The following EGLN1 variants were observed in gnomAD, a reference collection of about 807,000 sequenced individuals.
EGLN1 encodes the protein egl nine homolog 1.
Under a neutral mutation model 38.3 loss-of-function variants are expected in EGLN1, and 17 were observed. The observed-to-expected ratio is 0.44, with a 90% CI of 0.30 to 0.67. EGLN1 has a LOEUF of 0.67. Among genes scored for constraint, EGLN1 ranks in the 30% least tolerant of loss-of-function variants. The pLI, the probability that EGLN1 is intolerant of heterozygous loss-of-function variation, is 0.08. For synonymous variants in EGLN1, 283 were observed against 257.5 expected (o/e 1.10, Z -0.95); for missense variants, 477 against 603.3 (o/e 0.79, Z 2.19).
intron 1 of EGLN1, among the ~76,000 whole-genome samples, chr1:231,390,506 A>T (rs1688339080): frequency 6.6e-6 from 1 of 152,200 alleles, no homozygotes; most frequent in African/African-American, 2.4e-5. Context: ...TAGAATGGCT[A>T]ACTTAACTGA....
chr1:231,363,948 A>G lies in EGLN1; in HGVS notation c.*2463T>C, dbSNP rs549210917. The G allele has an allele frequency of 1.4e-4, 21 of 152,350 alleles. No individual in the cohort carries two copies. Among genetic ancestry groups the G allele is most frequent in the African/African-American group, 5.1e-4 (21 of 41,584 alleles). The allele number at this position is 152,350 out of a possible 1,614,324, so 9.4% of individuals were successfully genotyped here. On this transcript the variant is annotated 3_prime_UTR_variant, in exon 5 of 5. Transcript: ENST00000366641. ...GGTTAATGTGTTGAATAAAAACAGC[A>G]TTATGAAGCTTTATCTTTAACCAGG...
At chr1:231,401,998 T>C (rs116483227) in intron 1 of EGLN1, among the ~76,000 whole-genome samples, 4,882 of 152,280 alleles carry the variant, frequency 0.032, 262 homozygotes, top group African/African-American at 0.11. Flanking sequence ...TATTTAATTT[T>C]AGCCATTCTA....
At chr1:231,416,552 A>G (rs1689088466) in intron 1 of EGLN1, among the ~76,000 whole-genome samples, 2 of 151,124 alleles carry the variant, frequency 1.3e-5, no homozygotes, top group South Asian at 4.2e-4. Context: ...ATTTTTTTAG[A>G]GACAAAGTCT....
intron 1 of EGLN1, among the ~76,000 whole-genome samples, chr1:231,388,284 G>C (rs1393645804): frequency 7.3e-6 from 1 of 137,672 alleles, no homozygotes; most frequent in Non-Finnish European, 1.6e-5. Context: ...AAAATTAAGA[G>C]GGAAGAACCA....
intron 4 of EGLN1, among the ~76,000 whole-genome samples, chr1:231,367,031 A>C (rs549559305): frequency 6.6e-6 from 1 of 152,336 alleles, no homozygotes; most frequent in East Asian, 1.9e-4. Context: ...TGGCATAATT[A>C]AAGGATCTTC....
chr1:231,384,793 T>C (rs143561975), intron 1 of EGLN1, among the ~76,000 whole-genome samples: 2 of 152,336 alleles, frequency 1.3e-5, no homozygotes, highest in South Asian at 2.1e-4. Flanking sequence ...TAAAGCTGTA[T>C]TGGAATGCAA....
chr1:231,391,572 G>C (rs527463998), intron 1 of EGLN1, among the ~76,000 whole-genome samples: 111 of 152,042 alleles, frequency 7.3e-4, no homozygotes, highest in Non-Finnish European at 1.4e-3. Flanking sequence ...ATGGTACTCG[G>C]TAACTTTTAT....
Position 231,415,664 on chromosome 1 carries a change from A to G in EGLN1, c.891+5334T>C, listed in dbSNP as rs1211046985. On this transcript the variant is annotated intron_variant, in intron 1 of 4. Transcript: ENST00000366641. Reference sequence around the variant, plus strand: ...CTTTACCATCTAAAAGGTGCTTTACATGAAACATTATATGTTCACCTCACA... The same window carrying G: ...CTTTACCATCTAAAAGGTGCTTTACGTGAAACATTATATGTTCACCTCACA... Among the ~76,000 whole-genome samples the G allele has an allele frequency of 3.3e-5, 5 of 152,320 alleles. No individual in the cohort carries two copies. In the East Asian group the frequency reaches 9.6e-4, roughly 29 times the overall value.
chr1:231,414,902 ATTTTTGTATTG>A (rs1272317024), intron 1 of EGLN1, among the ~76,000 whole-genome samples: 1 of 151,838 alleles, frequency 6.6e-6, no homozygotes, highest in African/African-American at 2.4e-5. Context: ...TGCCTGGTTA[ATTTTTGTATTG>A]TTTTTAGAGA....
intron 1 of EGLN1, among the ~76,000 whole-genome samples, chr1:231,383,456 T>C (rs1010365975): frequency 1.3e-4 from 20 of 152,138 alleles, no homozygotes; most frequent in African/African-American, 4.6e-4. Flanking sequence ...CATAATTAAC[T>C]TTGTCACGGG....
intron 1 of EGLN1, among the ~76,000 whole-genome samples, chr1:231,397,478 T>C (rs1265900224): frequency 6.6e-6 from 1 of 152,216 alleles, no homozygotes; most frequent in Non-Finnish European, 1.5e-5. Context: ...CCACTGATTT[T>C]TGTAAATAAA....
At position 231,374,771 on chromosome 1, in the gene EGLN1, T is replaced by A. The variant is rs972049842; in HGVS notation, c.892-672A>T. Among the ~76,000 whole-genome samples, 46 of 152,238 alleles carry A rather than the reference T, an allele frequency of 3.0e-4. 1 individual carries two copies. The highest frequency in any genetic ancestry group is 1.1e-3 in the African/African-American group (45 of 41,540). On this transcript the variant is annotated intron_variant, in intron 1 of 4. Coordinates refer to ENST00000366641, the MANE Select transcript of EGLN1 (RefSeq NM_022051.3). ...AACTAAACTCCAAACATTAACTCATTTAGTGTCAGTGATTTTTTTTTAAAA... is the reference window on the plus strand; with the variant it reads ...AACTAAACTCCAAACATTAACTCATATAGTGTCAGTGATTTTTTTTTAAAA...
At chr1:231,411,699 CA>C (rs759043796) in intron 1 of EGLN1, among the ~76,000 whole-genome samples, 28 of 151,942 alleles carry the variant, frequency 1.8e-4, no homozygotes, top group Non-Finnish European at 3.8e-4. Context: ...TTCCTATGCT[CA>C]AAAGTCCTGG....
chr1:231,406,958 T>G (rs1688813864), intron 1 of EGLN1, among the ~76,000 whole-genome samples: 1 of 152,194 alleles, frequency 6.6e-6, no homozygotes, highest in African/African-American at 2.4e-5. Context: ...CAAAATACTT[T>G]GGGTTGTAAC....
chr1:231,410,878 T>A lies in EGLN1; in HGVS notation c.891+10120A>T, dbSNP rs1392732421. Among the ~76,000 whole-genome samples the A allele has an allele frequency of 2.6e-5, 4 of 151,298 alleles. No homozygotes were observed. In the East Asian group the frequency reaches 7.9e-4, roughly 30 times the overall value. ...GGGTGGGGGGCGGGGAATCACTAAATTTTTTAGCTAAAAAGCAATTTTCAA... is the reference window on the plus strand; with the variant it reads ...GGGTGGGGGGCGGGGAATCACTAAAATTTTTAGCTAAAAAGCAATTTTCAA... On this transcript the variant is annotated intron_variant, in intron 1 of 4. Transcript: ENST00000366641.
chr1:231,420,981 C>G lies in EGLN1; in HGVS notation c.891+17G>C, dbSNP rs200793131. ...CGAGAAGGGCCTGTCCAGCACAAAC[C>G]CGCAGCACACACTTACTTTCGTCCG... is the stretch of plus-strand genomic sequence containing the variant. On this transcript the variant is annotated intron_variant, in intron 1 of 4. Transcript: ENST00000366641. The G allele has an allele frequency of 1.2e-4, 194 of 1,613,942 alleles. No homozygotes were observed. In the African/African-American group the frequency reaches 2.3e-3, roughly 19 times the overall value.
At chr1:231,409,992 GA>G (rs552857415) in intron 1 of EGLN1, among the ~76,000 whole-genome samples, 6 of 151,858 alleles carry the variant, frequency 4.0e-5, no homozygotes, top group Admixed American at 2.6e-4. Context: ...AACCCAGGGG[GA>G]AAAAAAGTGT....
intron 1 of EGLN1, among the ~76,000 whole-genome samples, chr1:231,380,466 A>G (rs116246684): frequency 9.7e-6 from 1 of 102,990 alleles, no homozygotes; most frequent in East Asian, 3.0e-4. Flanking sequence ...AATGATAGGT[A>G]TATATATATT....
At chr1:231,401,258 C>T (rs1379389562) in intron 1 of EGLN1, among the ~76,000 whole-genome samples, 7 of 152,142 alleles carry the variant, frequency 4.6e-5, no homozygotes, top group Admixed American at 3.9e-4. Flanking sequence ...TTAAATCTCT[C>T]TGTGCCTCAG....
Sources: gnomAD v4.1 joint callset for allele counts (sites outside exome capture counted in the v4.1 genomes callset) on GRCh38, gnomAD v4.1.1 for gene constraint, MANE v1.5 for transcripts, NCBI Gene and HGNC (gene_info 2026-07-23, HGNC 2026-07-21) for gene names.